STIL: variants seen among roughly 807,000 people sequenced by gnomAD.
STIL encodes SCL-interrupting locus protein.
Under a neutral mutation model 110.1 loss-of-function variants are expected in STIL, and 55 were observed. That is an observed-to-expected ratio of 0.50 (90% CI 0.40 to 0.63). STIL has a LOEUF of 0.63. STIL is among the 20% of genes least tolerant of loss of function. STIL has a pLI of 0.00. For missense variants in STIL, 1,358 were observed against 1,530.0 expected (o/e 0.89, Z 1.87); for synonymous variants, 481 against 530.0 (o/e 0.91, Z 1.27).
chr1:47,295,704 G>T, intron 7 of STIL, 61 bp downstream of exon 7: 1 of 1,130,164 alleles, frequency 8.8e-7, no homozygotes, highest in Non-Finnish European at 1.3e-6. Flanking sequence ...TGAGTCACAT[G>T]CTTATCATAT....
chr1:47,251,640 T>G lies in STIL; in HGVS notation c.3363A>C (p.Lys1121Asn). ...GGAGTCCATATCTCTTCATATATTT[T>G]TTGGTTGCAAATGACATGTTGTTTG... ...ISPNNMSFAT[K>N]KYMKRYGLLQ... is the part of the protein sequence containing the mutation. The change falls in exon 17 of 17, where the codon AAA becomes AAC. Residue 1121 changes from lysine to asparagine, a missense_variant. Lys to Asn is a moderately conservative substitution (Grantham distance 94, BLOSUM62 0). Transcript: ENST00000371877. The G allele has an allele frequency of 6.2e-7, 1 of 1,614,220 alleles. No homozygotes were observed. The highest frequency in any genetic ancestry group is 8.5e-7 in the Non-Finnish European group (1 of 1,180,048).
intron 14 of STIL, 54 bp downstream of exon 14, chr1:47,269,580 TC>T (rs1258253764): frequency 1.7e-5 from 24 of 1,417,618 alleles, no homozygotes; most frequent in Non-Finnish European, 2.2e-5. Flanking sequence ...TATTTGTCTA[TC>T]AAAAAAAATT....
chr1:47,291,002 T>G (rs1343544458), intron 8 of STIL, among the ~76,000 whole-genome samples: 1 of 152,144 alleles, frequency 6.6e-6, no homozygotes, highest in African/African-American at 2.4e-5. Context: ...CCTAGGACAG[T>G]GCCCCAGACA....
At chr1:47,289,893 G>A (rs1425843588) in intron 8 of STIL, among the ~76,000 whole-genome samples, 2 of 143,910 alleles carry the variant, frequency 1.4e-5, no homozygotes, top group Non-Finnish European at 3.0e-5. Context: ...AGCCAAGATC[G>A]CGCCACTGCA....
At chr1:47,282,121 A>G (rs1220336663) in intron 11 of STIL, among the ~76,000 whole-genome samples, 2 of 152,142 alleles carry the variant, frequency 1.3e-5, no homozygotes, top group Non-Finnish European at 2.9e-5. Context: ...TGCTTATTAC[A>G]TAGATATTAC....
rs543413596 is a variant in STIL at position 47,305,135 on chromosome 1, A to T, written c.45-139T>A. The T allele has an allele frequency of 4.3e-4, 275 of 635,506 alleles. 2 individuals carry two copies. Among genetic ancestry groups the T allele is most frequent in the Middle Eastern group, 3.9e-4 (1 of 2,552 alleles). The allele number at this position is 635,506 out of a possible 1,614,324, so 39.4% of individuals were successfully genotyped here. On this transcript the variant is annotated intron_variant, in intron 2 of 16. Transcript: ENST00000371877. ...ATTTTCAAAGAGTTTATATATATATATTTTTTTTGAGACAAAGTCTCACTC... is the reference window on the plus strand; with the variant it reads ...ATTTTCAAAGAGTTTATATATATATTTTTTTTTTGAGACAAAGTCTCACTC...
intron 16 of STIL, among the ~76,000 whole-genome samples, chr1:47,254,274 T>C (rs1442080871): frequency 6.6e-6 from 1 of 151,494 alleles, no homozygotes; most frequent in Non-Finnish European, 1.5e-5. Flanking sequence ...ATGCTGGTCT[T>C]TACAACCTTG....
chr1:47,295,415 A>C (rs1645613593), intron 7 of STIL, among the ~76,000 whole-genome samples: 1 of 151,888 alleles, frequency 6.6e-6, no homozygotes, highest in South Asian at 2.1e-4. Flanking sequence ...CCCCGTCTCT[A>C]CTAAAAAAGC....
At position 47,251,760 on chromosome 1, in the gene STIL, C is replaced by A; in HGVS notation, c.3243G>T (p.Leu1081=). 1 of 1,613,700 alleles carries A rather than the reference C, an allele frequency of 6.2e-7. No individual in the cohort carries two copies. Among genetic ancestry groups the A allele is most frequent in the Non-Finnish European group, 8.5e-7 (1 of 1,179,884 alleles). The change falls in exon 17 of 17, where the codon CTG becomes CTT. Residue 1081 remains leucine, a synonymous_variant. Coordinates refer to ENST00000371877, the MANE Select transcript of STIL (RefSeq NM_001048166.1). ...TATTTTGGTTCGATCGAGTGACAGA[C>A]AGTTGTGACAGCTGATTTTCATTTA... The part of the protein sequence containing the change: ...KYLNENQLSQ[L]SVTRSNQNNC...
intron 16 of STIL, among the ~76,000 whole-genome samples, chr1:47,259,284 C>A (rs541980135): frequency 3.3e-5 from 2 of 61,476 alleles, no homozygotes; most frequent in East Asian, 3.2e-4. Flanking sequence ...CCGCGCCCGG[C>A]CTTTTTTTTT....
At chr1:47,287,780 T>C in intron 9 of STIL, 120 bp from the exon 10 acceptor site, 1 of 779,932 alleles carries the variant, frequency 1.3e-6, no homozygotes, top group Non-Finnish European at 2.2e-6. Flanking sequence ...CTGATTTCTG[T>C]AACCCTCTTT....
At chr1:47,281,230 G>GA (rs747573992) in intron 11 of STIL, 21 bp from the exon 12 acceptor site, 130 of 1,590,836 alleles carry the variant, frequency 8.2e-5, no homozygotes, top group Admixed American at 2.2e-4. Context: ...GAAAGAAATA[G>GA]AAAAAAAAAG....
intron 13 of STIL, among the ~76,000 whole-genome samples, chr1:47,270,245 T>C (rs1238407804): frequency 3.5e-5 from 3 of 85,644 alleles, no homozygotes; most frequent in Admixed American, 1.2e-4. Flanking sequence ...AAAAAAAATA[T>C]ATATATATAT....
At chr1:47,313,545 C>A (rs561065863) in intron 1 of STIL, among the ~76,000 whole-genome samples, 13 of 152,116 alleles carry the variant, frequency 8.5e-5, no homozygotes, top group Non-Finnish European at 1.5e-4. Flanking sequence ...AAACCCCCGC[C>A]ATCCCTCACA....
intron 10 of STIL, chr1:47,282,893 T>C (rs954255355): frequency 6.3e-5 from 10 of 158,424 alleles, no homozygotes; most frequent in Non-Finnish European, 9.7e-5. Flanking sequence ...TATGTACTTA[T>C]ATCTATGATG....
chr1:47,276,839 A>C (rs1327991513), intron 12 of STIL, among the ~76,000 whole-genome samples: 2 of 129,114 alleles, frequency 1.5e-5, no homozygotes, highest in South Asian at 2.6e-4. Context: ...AAAAAAAAAA[A>C]CCATCTTCTA....
chr1:47,268,948 T>C (rs1644738337), intron 14 of STIL, among the ~76,000 whole-genome samples: 1 of 151,020 alleles, frequency 6.6e-6, no homozygotes, highest in African/African-American at 2.4e-5. Flanking sequence ...AAACACGGAA[T>C]TAGCCGGGCA....
intron 8 of STIL, among the ~76,000 whole-genome samples, chr1:47,292,512 C>T: frequency 6.6e-6 from 1 of 152,140 alleles, no homozygotes; most frequent in East Asian, 1.9e-4. Flanking sequence ...TTTTAAAATA[C>T]AGTATGTATT....
rs1553178427 is a variant in STIL at position 47,289,080 on chromosome 1, A to AAC, written c.1023+354_1023+355insGT. Among the ~76,000 whole-genome samples, 1,310 of 136,526 alleles carry AAC rather than the reference A, an allele frequency of 9.6e-3. 64 individuals are homozygous for AAC. The highest frequency in any genetic ancestry group is 0.036 in the African/African-American group (1,257 of 35,006). The allele number at this position is 136,526 out of a possible 152,430, so 89.6% of individuals were successfully genotyped here. On this transcript the variant is annotated intron_variant, in intron 9 of 16. Coordinates refer to ENST00000371877, the MANE Select transcript of STIL (RefSeq NM_001048166.1). ...CCATCTCAAAAAAAAAAAAAAAAAA[A>AAC]AAAAAACATCAGGACAAAGAAAAGT...
Sources: gnomAD v4.1 joint callset for allele counts (sites outside exome capture counted in the v4.1 genomes callset) on GRCh38, gnomAD v4.1.1 for gene constraint, MANE v1.5 for transcripts, NCBI Gene and HGNC (gene_info 2026-07-23, HGNC 2026-07-21) for gene names.